Variants in DNAH6 observed in about 807,000 individuals in gnomAD.
The protein encoded by DNAH6 is axonemal beta dynein heavy chain 6.
Under a neutral mutation model 491.4 loss-of-function variants are expected in DNAH6, and 340 were observed. The observed-to-expected ratio is 0.69, with a 90% CI of 0.63 to 0.76. The LOEUF is 0.76. DNAH6 is among the 30% of genes least tolerant of loss of function. DNAH6 has a pLI of 0.00. For missense variants in DNAH6, 4,443 were observed against 4,972.2 expected (o/e 0.89, Z 3.20); for synonymous variants, 1,603 against 1,686.1 (o/e 0.95, Z 1.21).
chr2:84,570,457 A>T (rs1681674050), intron 11 of DNAH6, among the ~76,000 whole-genome samples: 1 of 152,052 alleles, frequency 6.6e-6, no homozygotes, highest in South Asian at 2.1e-4. Context: ...AAATGCACCA[A>T]TCAGCACTCT....
At chr2:84,529,834 G>C (rs1350995018) in intron 4 of DNAH6, among the ~76,000 whole-genome samples, 1 of 152,160 alleles carries the variant, frequency 6.6e-6, no homozygotes, top group African/African-American at 2.4e-5. Flanking sequence ...AATTCATTGA[G>C]CTACCTTCCC....
intron 10 of DNAH6, among the ~76,000 whole-genome samples, chr2:84,557,241 T>A (rs1267419213): frequency 6.6e-6 from 1 of 152,214 alleles, no homozygotes; most frequent in Non-Finnish European, 1.5e-5. Context: ...AGAAAACATA[T>A]GTCCTGAAGT....
chr2:84,782,530 G>A (rs1417393330), intron 65 of DNAH6, among the ~76,000 whole-genome samples: 1 of 152,210 alleles, frequency 6.6e-6, no homozygotes, highest in Non-Finnish European at 1.5e-5. Flanking sequence ...TGGTCACTGA[G>A]CCAGCTCAGG....
chr2:84,687,499 TA>T (rs1262965290), intron 44 of DNAH6, among the ~76,000 whole-genome samples: 10 of 152,122 alleles, frequency 6.6e-5, no homozygotes, highest in Non-Finnish European at 1.3e-4. Context: ...ACCCGACAAA[TA>T]AAAAAGATAA....
Position 84,573,812 on chromosome 2 carries a change from A to G in DNAH6, c.1924+225A>G, listed in dbSNP as rs576243822. On this transcript the variant is annotated intron_variant, in intron 12 of 76. Transcript: ENST00000389394. ...TTATTTCAGGATATTATGGAAAGCA[A>G]TTCCTTCCTAATCGCTTATCATTTA... is the stretch of plus-strand genomic sequence containing the variant. Among the ~76,000 whole-genome samples, 30 of 152,272 alleles carry G rather than the reference A, an allele frequency of 2.0e-4. 1 individual carries two copies. The highest frequency in any genetic ancestry group is 7.0e-4 in the African/African-American group (29 of 41,562).
chr2:84,790,960 G>A (rs913831649), intron 68 of DNAH6, among the ~76,000 whole-genome samples: 1 of 152,152 alleles, frequency 6.6e-6, no homozygotes, highest in Non-Finnish European at 1.5e-5. Context: ...GGGAGGCCCA[G>A]GTGGGCGAAT....
chr2:84,467,860 G>C, the DNAH6 span, among the ~76,000 whole-genome samples: 1 of 152,128 alleles, frequency 6.6e-6, no homozygotes, highest in Non-Finnish European at 1.5e-5. Flanking sequence ...ATGGCTTTAA[G>C]GTAGGTAAAT....
intron 11 of DNAH6, among the ~76,000 whole-genome samples, chr2:84,558,986 T>A (rs755062687): frequency 1.3e-5 from 2 of 152,234 alleles, no homozygotes; most frequent in Non-Finnish European, 2.9e-5. Flanking sequence ...CCATTATATA[T>A]ACATTCCTAT....
chr2:84,784,740 C>T lies in DNAH6; in HGVS notation c.10883C>T (p.Thr3628Ile). Residue 3628 changes from threonine (T) to isoleucine (I), a missense_variant, in exon 66 of 77, where the codon ACT becomes ATT. Physicochemically the swap from Thr to Ile is moderately conservative, Grantham distance 89. Transcript: ENST00000389394. Reference protein sequence around the residue: ...FTDPDSAIKDTFRLFLSSMPS... With the variant: ...FTDPDSAIKDIFRLFLSSMPS... The stretch of plus-strand genomic sequence containing the variant: ...TAAGCAGATAGTGCTATCAAGGACA[C>T]TTTTCGACTTTTTTTAAGCTCCATG... 1 of 1,550,216 alleles carries T rather than the reference C, an allele frequency of 6.5e-7. No homozygotes were observed. The highest frequency in any genetic ancestry group is 8.7e-7 in the Non-Finnish European group (1 of 1,145,844).
chr2:84,485,399 A>G, the DNAH6 span, among the ~76,000 whole-genome samples: 123,705 of 151,884 alleles, frequency 0.81, 50,792 homozygotes, highest in East Asian at 0.95. Flanking sequence ...GAAGGGAAGG[A>G]GACTGGGGCC....
At chr2:84,602,801 T>TG (rs1553439840) in intron 18 of DNAH6, among the ~76,000 whole-genome samples, 11 of 149,360 alleles carry the variant, frequency 7.4e-5, no homozygotes, top group South Asian at 4.2e-4. Context: ...TGCTCTGTTT[T>TG]TTTTTTTTTT....
the DNAH6 span, among the ~76,000 whole-genome samples, chr2:84,485,888 C>T: frequency 6.6e-6 from 1 of 151,846 alleles, no homozygotes; most frequent in African/African-American, 2.4e-5. Flanking sequence ...ACACAAGATG[C>T]ATTGCTGGCC....
At chr2:84,607,657 A>C (rs1685905125) in intron 21 of DNAH6, among the ~76,000 whole-genome samples, 1 of 152,212 alleles carries the variant, frequency 6.6e-6, no homozygotes, top group Non-Finnish European at 1.5e-5. Flanking sequence ...ATTATTTTTT[A>C]AAAGTTATGT....
chr2:84,658,984 T>G, intron 36 of DNAH6, 42 bp from the exon 37 acceptor site: 4 of 1,198,504 alleles, frequency 3.3e-6, no homozygotes, highest in Non-Finnish European at 4.6e-6. Context: ...CTTTTTATGT[T>G]CATATATAAA....
the DNAH6 span, among the ~76,000 whole-genome samples, chr2:84,472,003 A>T: frequency 6.6e-6 from 1 of 151,976 alleles, no homozygotes; most frequent in Non-Finnish European, 1.5e-5. Flanking sequence ...CCTCTTCCCC[A>T]TATAATTCTT....
chr2:84,777,338 C>G (rs1676234846), intron 64 of DNAH6: 2 of 345,992 alleles, frequency 5.8e-6, no homozygotes, highest in African/African-American at 2.1e-5. Flanking sequence ...AGGAGTCAGA[C>G]TCACCTTCAC....
In DNAH6 at chr2:84,653,783, A is replaced by G. The variant is rs1690683491; in HGVS notation, c.5543A>G (p.Asn1848Ser). ...CCAGTAGATGCTCTTTGGATTGAAA[A>G]CATGAATACAGTGCTGGATGATAAC... ...DGPVDALWIENMNTVLDDNKM... is the reference protein window; with the variant it reads ...DGPVDALWIESMNTVLDDNKM... Residue 1848 changes from asparagine to serine, a missense_variant, in exon 34 of 77, where the codon AAC becomes AGC. Physicochemically the swap from Asn to Ser is conservative, Grantham distance 46. Coordinates refer to ENST00000389394, the MANE Select transcript of DNAH6 (RefSeq NM_001370.2). The G allele has an allele frequency of 2.6e-6, 4 of 1,551,498 alleles. No individual in the cohort carries two copies. The highest frequency in any genetic ancestry group is 2.7e-5 in the African/African-American group (2 of 73,128).
At chr2:84,752,740 G>C (rs1182500173) in intron 63 of DNAH6, among the ~76,000 whole-genome samples, 1 of 151,818 alleles carries the variant, frequency 6.6e-6, no homozygotes, top group African/African-American at 2.4e-5. Flanking sequence ...TCAAGTGTCT[G>C]TACTTCATTC....
intron 70 of DNAH6, among the ~76,000 whole-genome samples, chr2:84,798,237 C>T (rs981054015): frequency 1.3e-5 from 2 of 152,156 alleles, no homozygotes; most frequent in African/African-American, 4.8e-5. Context: ...GCACTCGAAG[C>T]TCTCCCATGA....
Sources: gnomAD v4.1 joint callset for allele counts (sites outside exome capture counted in the v4.1 genomes callset) on GRCh38, gnomAD v4.1.1 for gene constraint, MANE v1.5 for transcripts, NCBI Gene and HGNC (gene_info 2026-07-23, HGNC 2026-07-21) for gene names.